The following TYW5 variants were observed in gnomAD, a reference collection of about 807,000 sequenced individuals.
TYW5 encodes the protein tRNA wybutosine-synthesizing protein 5.
A neutral mutation model predicts 44.4 loss-of-function variants in TYW5; 36 were observed. The observed-to-expected ratio is 0.81, with a 90% confidence interval of 0.62 to 1.07. The LOEUF (loss-of-function observed/expected upper bound fraction) is 1.07, where lower values mean the gene tolerates loss of function less well. Ranked by LOEUF, TYW5 falls within the 50% of genes least tolerant of loss-of-function variation. The probability of loss-of-function intolerance (pLI) is 0.00; values close to 1 mark genes in which losing one functional copy is unlikely to be tolerated. For synonymous variants in TYW5, 121 were observed against 128.1 expected, an observed-to-expected ratio of 0.94 and a Z score of 0.37; for missense variants, 354 against 365.7, an observed-to-expected ratio of 0.97 and a Z score of 0.26.
At chr2:199,935,315 G>A (rs1234166083) in intron 7 of TYW5, among the ~76,000 whole-genome samples, 1 of 151,606 alleles carries the variant, frequency 6.6e-6, no homozygotes, top group East Asian at 1.9e-4. Flanking sequence ...GGTTGCCCTT[G>A]AAAGCAAGAC....
Position 199,932,574 on chromosome 2 carries a change from G to T in TYW5, c.*493C>A. 6.2e-6 allele frequency: 1 copy of T among 160,026 alleles called. No individual in the cohort carries two copies. Among genetic ancestry groups the T allele is most frequent in the Non-Finnish European group, 1.4e-5 (1 of 72,624 alleles). The allele number at this position is 160,026 out of a possible 1,614,324, so 9.9% of individuals were successfully genotyped here. ...GGAAAGCTTTCTCATACTAGGACAGGGCCCCTAGAATCCAGCCTGACTCTT... is the reference window on the plus strand; with the variant it reads ...GGAAAGCTTTCTCATACTAGGACAGTGCCCCTAGAATCCAGCCTGACTCTT... On this transcript the variant is annotated 3_prime_UTR_variant, in exon 8 of 8. Transcript: ENST00000354611.
In TYW5 at chr2:199,955,392, C is replaced by A. The variant is rs759590830; in HGVS notation, c.78+1G>T. On this transcript the variant is annotated splice_donor_variant, in intron 1 of 7. Transcript: ENST00000354611. LOFTEE classifies it high-confidence loss of function. Reference sequence around the variant, plus strand: ...GGTTCTGCCCCGCGCGAGGGCCTCACCTGTGGGTAGAGGTGCTGCATGAAC... The same window carrying A: ...GGTTCTGCCCCGCGCGAGGGCCTCAACTGTGGGTAGAGGTGCTGCATGAAC... 14 of 1,613,406 alleles carry A rather than the reference C, an allele frequency of 8.7e-6. No individual in the cohort carries two copies. The South Asian group carries it at 1.4e-4, about 16-fold the overall frequency.
chr2:199,946,972 C>G (rs1366892192), intron 2 of TYW5: 1 of 152,156 alleles, frequency 6.6e-6, no homozygotes, highest in African/African-American at 2.4e-5. Context: ...TGGCATTGGA[C>G]TCCCTGGAAA....
chr2:199,936,240 C>T (rs1466418187), intron 6 of TYW5, among the ~76,000 whole-genome samples, 165 bp downstream of exon 6: 1 of 152,084 alleles, frequency 6.6e-6, no homozygotes, highest in Non-Finnish European at 1.5e-5. Context: ...ATGACTGATA[C>T]CCATGTAATA....
At chr2:199,954,714 C>T (rs921372043) in intron 1 of TYW5, among the ~76,000 whole-genome samples, 1 of 152,168 alleles carries the variant, frequency 6.6e-6, no homozygotes, top group African/African-American at 2.4e-5. Context: ...CGTGAGCCAC[C>T]GCGCCCGGCC....
At chr2:199,954,744 A>T (rs1350402298) in intron 1 of TYW5, among the ~76,000 whole-genome samples, 4 of 152,166 alleles carry the variant, frequency 2.6e-5, no homozygotes, top group South Asian at 2.1e-4. Context: ...TAATTCTATG[A>T]CCACCCTTAT....
intron 6 of TYW5, 126 bp from the exon 7 acceptor site, chr2:199,936,173 G>C (rs966097539): frequency 1.4e-6 from 1 of 707,874 alleles, no homozygotes; most frequent in Admixed American, 2.5e-5. Flanking sequence ...AACACTGTGA[G>C]AATTACTATG....
Position 199,932,281 on chromosome 2 carries a change from T to A in TYW5, c.*786A>T, listed in dbSNP as rs1350740887. The stretch of plus-strand genomic sequence containing the variant: ...GGGACCTAGGTATCTGTACATTTTT[T>A]AAAGTTCCTCAAAAAATTCTGCTTC... On this transcript the variant is annotated 3_prime_UTR_variant, in exon 8 of 8. Coordinates refer to ENST00000354611, the MANE Select transcript of TYW5 (RefSeq NM_001039693.3). The A allele has an allele frequency of 6.6e-6, 1 of 152,220 alleles. No homozygotes were observed. Among genetic ancestry groups the A allele is most frequent in the African/African-American group, 2.4e-5 (1 of 41,452 alleles). The allele number at this position is 152,220 out of a possible 1,614,324, so 9.4% of individuals were successfully genotyped here.
At chr2:199,955,235 C>T (rs2077586812) in intron 1 of TYW5, 158 bp downstream of exon 1, 3 of 728,712 alleles carry the variant, frequency 4.1e-6, no homozygotes, top group South Asian at 2.0e-5. Flanking sequence ...GTCCCCCGTG[C>T]ACCTTTCCCT....
At chr2:199,935,234 A>G (rs1230805206) in intron 7 of TYW5, among the ~76,000 whole-genome samples, 1 of 152,092 alleles carries the variant, frequency 6.6e-6, no homozygotes, top group African/African-American at 2.4e-5. Context: ...ATAAATAAAT[A>G]AATAAAAGCT....
In TYW5 at chr2:199,931,585, T is replaced by A. The variant is rs545997297; in HGVS notation, c.*1482A>T. 15 of 152,322 alleles carry A rather than the reference T, an allele frequency of 9.8e-5. No homozygotes were observed. The East Asian group carries it at 2.7e-3, about 27-fold the overall frequency. The allele number at this position is 152,322 out of a possible 1,614,324, so 9.4% of individuals were successfully genotyped here. On this transcript the variant is annotated 3_prime_UTR_variant, in exon 8 of 8. Coordinates refer to ENST00000354611, the MANE Select transcript of TYW5 (RefSeq NM_001039693.3). ...TAATTAAATTTGGCTAATATAATCA[T>A]TCCTTTTCTGACAAGACTTTTTTCA...
intron 5 of TYW5, among the ~76,000 whole-genome samples, chr2:199,938,501 C>CA (rs1254958189): frequency 4.6e-5 from 7 of 152,152 alleles, no homozygotes; most frequent in African/African-American, 1.7e-4. Flanking sequence ...AAGCTTCAGC[C>CA]TTTTTCCTGA....
In TYW5 at chr2:199,932,193, C is replaced by G. The variant is rs1361901944; in HGVS notation, c.*874G>C. ...CAGCTCTGATTATGCATCAGAACACCCTGTGAGGTCTATTAAGTTCCTATA... is the reference window on the plus strand; with the variant it reads ...CAGCTCTGATTATGCATCAGAACACGCTGTGAGGTCTATTAAGTTCCTATA... On this transcript the variant is annotated 3_prime_UTR_variant, in exon 8 of 8. Transcript: ENST00000354611. 1 of 152,044 alleles carries G rather than the reference C, an allele frequency of 6.6e-6. No homozygotes were observed. The highest frequency in any genetic ancestry group is 2.4e-5 in the African/African-American group (1 of 41,412). The allele number at this position is 152,044 out of a possible 1,614,324, so 9.4% of individuals were successfully genotyped here.
At chr2:199,947,721 G>A (rs1374042114) in intron 2 of TYW5, 6 of 152,256 alleles carry the variant, frequency 3.9e-5, no homozygotes, top group Non-Finnish European at 8.8e-5. Flanking sequence ...ATCCAACTTC[G>A]TATGAAATCT....
intron 6 of TYW5, 48 bp downstream of exon 6, chr2:199,936,357 A>G (rs764519499): frequency 1.5e-5 from 22 of 1,467,276 alleles, no homozygotes; most frequent in Non-Finnish European, 2.1e-5. Context: ...TCTCAAAAAG[A>G]GTAACTGAAT....
At chr2:199,949,718 C>T (rs903173975) in intron 1 of TYW5, among the ~76,000 whole-genome samples, 1 of 152,338 alleles carries the variant, frequency 6.6e-6, no homozygotes, top group South Asian at 2.1e-4. Flanking sequence ...GCCTTCTCAG[C>T]ATGCCACATC....
chr2:199,941,183 C>T (rs924374707), intron 3 of TYW5, among the ~76,000 whole-genome samples: 1 of 152,106 alleles, frequency 6.6e-6, no homozygotes, highest in African/African-American at 2.4e-5. Context: ...CTCAGCCTCC[C>T]GAGTAGCTGG....
At position 199,955,484 on chromosome 2, in the gene TYW5, T is replaced by C. The variant is rs750957157; in HGVS notation, c.-14A>G. On this transcript the variant is annotated 5_prime_UTR_variant, in exon 1 of 8. Coordinates refer to ENST00000354611, the MANE Select transcript of TYW5 (RefSeq NM_001039693.3). Reference sequence around the variant, plus strand: ...CTGCCCGGCCATGGTTGCTCACGCCTGCCCTCTTCCAGGTCTTCGGAACTT... The same window carrying C: ...CTGCCCGGCCATGGTTGCTCACGCCCGCCCTCTTCCAGGTCTTCGGAACTT... The C allele has an allele frequency of 3.7e-5, 60 of 1,613,120 alleles. No individual in the cohort carries two copies. In the East Asian group the frequency reaches 1.2e-3, roughly 34 times the overall value.
At chr2:199,953,472 T>C (rs1299340246) in intron 1 of TYW5, among the ~76,000 whole-genome samples, 2 of 152,242 alleles carry the variant, frequency 1.3e-5, no homozygotes, top group Admixed American at 6.5e-5. Flanking sequence ...CTTTGGTCAA[T>C]TGTGCTGTGA....
Sources: allele counts gnomAD v4.1 joint callset (sites outside exome capture counted in the v4.1 genomes callset), GRCh38; gene constraint gnomAD v4.1.1; transcripts MANE v1.5; gene names NCBI Gene and HGNC (gene_info 2026-07-23, HGNC 2026-07-21).